Variants in EEF1E1 observed in about 807,000 individuals in gnomAD.
The protein encoded by EEF1E1 is eukaryotic translation elongation factor 1 epsilon 1, also known as eukaryotic translation elongation factor 1 epsilon-1.
A neutral mutation model predicts 19.9 loss-of-function variants in EEF1E1; 19 were observed. The observed-to-expected ratio is 0.95, with a 90% CI of 0.66 to 1.40. The LOEUF is 1.40. Ranked by LOEUF, EEF1E1 falls within the 40% of genes most tolerant of loss-of-function variation. The pLI, the probability that EEF1E1 is intolerant of heterozygous loss-of-function variation, is 0.00. For synonymous variants in EEF1E1, 81 were observed against 80.0 expected (o/e 1.01, Z -0.07); for missense variants, 198 against 202.2 (o/e 0.98, Z 0.13).
intron 1 of EEF1E1, among the ~76,000 whole-genome samples, chr6:8,099,592 C>CA (rs1411060624): frequency 6.6e-6 from 1 of 151,964 alleles, no homozygotes; most frequent in Non-Finnish European, 1.5e-5. Context: ...ACTAAAAATA[C>CA]AAAAATTAGC....
chr6:8,102,529 C>T lies in EEF1E1; in HGVS notation c.-8G>A, dbSNP rs1199000707. 3 of 1,609,466 alleles carry T rather than the reference C, an allele frequency of 1.9e-6. No individual in the cohort carries two copies. The highest frequency in any genetic ancestry group is 1.7e-6 in the Non-Finnish European group (2 of 1,179,928). On this transcript the variant is annotated 5_prime_UTR_variant, in exon 1 of 4. Transcript: ENST00000379715. Reference sequence around the variant, plus strand: ...CTCTGCGGCCGCCGCCATCTTCCGGCCGTAGCTCCTGGCAGACGCGAGACC... The same window carrying T: ...CTCTGCGGCCGCCGCCATCTTCCGGTCGTAGCTCCTGGCAGACGCGAGACC...
intron 2 of EEF1E1, among the ~76,000 whole-genome samples, chr6:8,091,204 G>C (rs981561880): frequency 6.6e-6 from 1 of 152,090 alleles, no homozygotes; most frequent in Admixed American, 6.6e-5. Context: ...TTGCTCTGTG[G>C]GATTTTTTTT....
downstream of EEF1E1, among the ~76,000 whole-genome samples, chr6:8,077,908 C>T (rs1757637050): frequency 6.6e-6 from 1 of 152,184 alleles, no homozygotes; most frequent in Admixed American, 6.5e-5. Flanking sequence ...CCTCCCACCT[C>T]AGCCTCCCAA....
At chr6:8,101,436 G>GAAGGCCAC (rs1758362414) in intron 1 of EEF1E1, among the ~76,000 whole-genome samples, 1 of 150,654 alleles carries the variant, frequency 6.6e-6, no homozygotes, top group African/African-American at 2.4e-5. Context: ...AACACCAAAA[G>GAAGGCCAC]AAGGCCACTT....
rs75744698 is a variant in EEF1E1 at position 8,088,945 on chromosome 6, G to GA, written c.384+1240dup. Among the ~76,000 whole-genome samples, 188 of 145,192 alleles carry GA rather than the reference G, an allele frequency of 1.3e-3. 2 individuals carry two copies. The highest frequency in any genetic ancestry group is 3.8e-3 in the African/African-American group (151 of 39,800). ...TAAAGGTTTGGAAGTATCCCTGGGA[G>GA]AAAAAAAAAAAAGGAACTGAGCCAG... On this transcript the variant is annotated intron_variant, in intron 3 of 3. Transcript: ENST00000379715.
rs898858601 is a variant in EEF1E1, at chr6:8,079,639, C to G, written c.*251G>C. 78 of 1,144,378 alleles carry G rather than the reference C, an allele frequency of 6.8e-5. No homozygotes were observed. The highest frequency in any genetic ancestry group is 8.1e-5 in the Non-Finnish European group (75 of 929,896). 70.9% of individuals were successfully genotyped at this position (1,144,378 alleles called of 1,614,324 possible). A position where few individuals can be genotyped will look rare whatever the true frequency, so the allele number is the denominator to read the frequency against. On this transcript the variant is annotated 3_prime_UTR_variant, in exon 4 of 4. Coordinates refer to ENST00000379715, the MANE Select transcript of EEF1E1 (RefSeq NM_004280.5). ...CAACTTTTATTGAAATAAATGTCAT[C>G]TACTAAAAACAAGGTTAATTTATAA...
rs77139570 is a variant in EEF1E1, at chr6:8,074,281, C to T, written c.385-771G>A. The stretch of plus-strand genomic sequence containing the variant: ...AACAACCCACCCTGATGTTACTGGG[C>T]CTTTCTGCAATATACAGCTGTACTG... On this transcript the variant is annotated intron_variant, in intron 3 of 3. Coordinates refer to the EEF1E1 transcript ENST00000429723. Among the ~76,000 whole-genome samples, 276 of 152,280 alleles carry T rather than the reference C, an allele frequency of 1.8e-3. 3 individuals carry two copies. The highest frequency in any genetic ancestry group is 6.4e-3 in the African/African-American group (265 of 41,562).
chr6:8,077,024 A>G (rs1444480088), downstream of EEF1E1, among the ~76,000 whole-genome samples: 1 of 148,884 alleles, frequency 6.7e-6, no homozygotes, highest in Non-Finnish European at 1.5e-5. Flanking sequence ...GCTCACTGCA[A>G]GCTCCGCCTC....
chr6:8,084,585 G>A (rs1561882420), intron 3 of EEF1E1, among the ~76,000 whole-genome samples: 1 of 152,224 alleles, frequency 6.6e-6, no homozygotes, highest in Non-Finnish European at 1.5e-5. Flanking sequence ...GCTACAGCAA[G>A]CAAGATCTTG....
chr6:8,081,229 T>C (rs1485756016), intron 3 of EEF1E1, among the ~76,000 whole-genome samples: 1 of 152,320 alleles, frequency 6.6e-6, no homozygotes, highest in Middle Eastern at 3.4e-3. Context: ...CATACTTAAG[T>C]CCTACACACA....
intron 1 of EEF1E1, chr6:8,101,790 T>G (rs1758372916): frequency 1.6e-6 from 2 of 1,289,276 alleles, no homozygotes; most frequent in South Asian, 2.5e-5. Flanking sequence ...GCATTCACTG[T>G]GGGTCGTAAC....
downstream of EEF1E1, chr6:8,078,788 T>C: frequency 2.4e-6 from 3 of 1,245,184 alleles, no homozygotes; most frequent in Non-Finnish European, 3.1e-6. Flanking sequence ...AAGAGCTACA[T>C]ACTAGGCTTT....
In EEF1E1 at chr6:8,094,536, G is replaced by GTCC. The variant is rs1355279011; in HGVS notation, c.288+2730_288+2731insGGA. 2.0e-5 allele frequency among the ~76,000 whole-genome samples: 3 copies of GTCC among 151,168 alleles called. No individual in the cohort carries two copies. In the East Asian group the frequency reaches 5.9e-4, roughly 30 times the overall value. ...AATTGCTTGAACCTGGAAGGCAGAG[G>GTCC]TTGCAGCCTGTGTGACAGAGCAAGA... On this transcript the variant is annotated intron_variant, in intron 2 of 3. Coordinates refer to ENST00000379715, the MANE Select transcript of EEF1E1 (RefSeq NM_004280.5).
intron 1 of EEF1E1, among the ~76,000 whole-genome samples, chr6:8,100,781 G>A (rs1758327041): frequency 6.6e-6 from 1 of 151,294 alleles, no homozygotes; most frequent in Non-Finnish European, 1.5e-5. Context: ...CAGCTGTCCT[G>A]GTAAATTCTT....
At chr6:8,081,769 C>T (rs1013319196) in intron 3 of EEF1E1, among the ~76,000 whole-genome samples, 4 of 152,180 alleles carry the variant, frequency 2.6e-5, no homozygotes, top group East Asian at 1.9e-4. Context: ...AAATCAACTT[C>T]GACAAATCTC....
chr6:8,076,934 TG>T (rs1165654931), downstream of EEF1E1, among the ~76,000 whole-genome samples: 148 of 140,720 alleles, frequency 1.1e-3, 2 homozygotes, highest in African/African-American at 3.7e-3. Flanking sequence ...TGATTTTTTT[TG>T]TTTTTGTTTT....
At chr6:8,081,063 A>ATTAAAATATTAAC (rs1757711851) in intron 3 of EEF1E1, among the ~76,000 whole-genome samples, 1 of 152,250 alleles carries the variant, frequency 6.6e-6, no homozygotes. Flanking sequence ...CAGAATACAA[A>ATTAAAATATTAAC]AGGATATTAA....
Position 8,099,751 on chromosome 6 carries a change from AACACAC to A in EEF1E1, c.88-2290_88-2285del, listed in dbSNP as rs1554099744. 1.5e-4 allele frequency among the ~76,000 whole-genome samples: 14 copies of A among 92,962 alleles called. 1 individual carries two copies. In the South Asian group the frequency reaches 2.5e-3, roughly 17 times the overall value. The allele number at this position is 92,962 out of a possible 152,430, so 61.0% of individuals were successfully genotyped here. A position where few individuals can be genotyped will look rare whatever the true frequency, so the allele number is the denominator to read the frequency against. On this transcript the variant is annotated intron_variant, in intron 1 of 3. Transcript: ENST00000379715. ...AACAAGAGTGAAGCTCCGCCTCAAA[AACACAC>A]ACACACACACACACACACACACACA...
At chr6:8,093,358 T>C (rs1758076356) in intron 2 of EEF1E1, among the ~76,000 whole-genome samples, 1 of 148,694 alleles carries the variant, frequency 6.7e-6, no homozygotes, top group Non-Finnish European at 1.5e-5. Context: ...TTCTTTCTGA[T>C]GCCATTGTCA....
Sources: allele counts gnomAD v4.1 joint callset (sites outside exome capture counted in the v4.1 genomes callset), GRCh38; gene constraint gnomAD v4.1.1; transcripts MANE v1.5; gene names NCBI Gene and HGNC (gene_info 2026-07-23, HGNC 2026-07-21).